AKAP19: variants seen among roughly 807,000 people sequenced by gnomAD.
The protein encoded by AKAP19 is small A-kinase anchoring protein.
the AKAP19 span, chr2:190,057,779 G>A: frequency 3.5e-6 from 3 of 856,500 alleles, no homozygotes; most frequent in Non-Finnish European, 5.5e-6. Flanking sequence ...CAGCATTAAG[G>A]AATGTTAATT....
At chr2:190,016,492 A>G in the AKAP19 span, among the ~76,000 whole-genome samples, 1 of 152,202 alleles carries the variant, frequency 6.6e-6, no homozygotes, top group African/African-American at 2.4e-5. Flanking sequence ...ACATGTGGGG[A>G]TTACGGGGAT....
chr2:189,946,656 T>C, the AKAP19 span, among the ~76,000 whole-genome samples: 1 of 152,344 alleles, frequency 6.6e-6, no homozygotes, highest in East Asian at 1.9e-4. Context: ...AAGTTATCTC[T>C]TAGATTACTA....
At chr2:190,059,492 A>T in the AKAP19 span, among the ~76,000 whole-genome samples, 4 of 152,002 alleles carry the variant, frequency 2.6e-5, no homozygotes, top group African/African-American at 9.7e-5. Flanking sequence ...TACACACATC[A>T]GTGCATCAAC....
At chr2:190,027,984 A>G in the AKAP19 span, among the ~76,000 whole-genome samples, 1 of 152,156 alleles carries the variant, frequency 6.6e-6, no homozygotes, top group Non-Finnish European at 1.5e-5. Flanking sequence ...TTGTGTATGA[A>G]ATTCAATTCT....
chr2:190,172,667 C>G, the AKAP19 span, among the ~76,000 whole-genome samples: 1 of 152,206 alleles, frequency 6.6e-6, no homozygotes, highest in Non-Finnish European at 1.5e-5. Context: ...TGTTGGAAAG[C>G]AACACAGAAT....
the AKAP19 span, among the ~76,000 whole-genome samples, chr2:189,911,213 G>C: frequency 6.6e-6 from 1 of 152,034 alleles, no homozygotes; most frequent in Non-Finnish European, 1.5e-5. Flanking sequence ...GATTTTTGAA[G>C]TTTTATGGGA....
At chr2:189,936,690 A>G in the AKAP19 span, among the ~76,000 whole-genome samples, 9 of 152,240 alleles carry the variant, frequency 5.9e-5, no homozygotes, top group Non-Finnish European at 1.3e-4. Flanking sequence ...TTTTCATGGT[A>G]TAGCTGTATA....
the AKAP19 span, among the ~76,000 whole-genome samples, chr2:190,048,456 T>C: frequency 6.6e-6 from 1 of 152,220 alleles, no homozygotes; most frequent in African/African-American, 2.4e-5. Context: ...CACTACTCAA[T>C]GTTACTTCTA....
At chr2:190,100,519 A>G in the AKAP19 span, among the ~76,000 whole-genome samples, 1 of 152,208 alleles carries the variant, frequency 6.6e-6, no homozygotes, top group African/African-American at 2.4e-5. Context: ...ATTGTAAATC[A>G]TACCATAAAA....
chr2:190,022,090 A>C, the AKAP19 span, among the ~76,000 whole-genome samples: 1 of 152,104 alleles, frequency 6.6e-6, no homozygotes, highest in African/African-American at 2.4e-5. Flanking sequence ...TTGATCCATT[A>C]ATCTATGCAT....
the AKAP19 span, chr2:189,930,697 T>C: frequency 4.0e-6 from 2 of 495,928 alleles, no homozygotes; most frequent in East Asian, 7.6e-5. Context: ...AAAAAGAAAT[T>C]GAATTGGGTC....
the AKAP19 span, among the ~76,000 whole-genome samples, chr2:189,883,509 T>TTG: frequency 8.4e-6 from 1 of 118,512 alleles, no homozygotes; most frequent in African/African-American, 4.2e-5. Context: ...TTCTTCCTGT[T>TTG]TTTTTTTTTT....
the AKAP19 span, among the ~76,000 whole-genome samples, chr2:189,934,156 G>C: frequency 6.6e-6 from 1 of 152,028 alleles, no homozygotes; most frequent in Non-Finnish European, 1.5e-5. Flanking sequence ...AAATTATACA[G>C]AGTAAGAAAA....
At chr2:190,041,296 C>T in the AKAP19 span, among the ~76,000 whole-genome samples, 59 of 152,080 alleles carry the variant, frequency 3.9e-4, no homozygotes, top group African/African-American at 1.3e-3. Context: ...CTGGGATTGC[C>T]TTTCTGATTT....
the AKAP19 span, among the ~76,000 whole-genome samples, chr2:190,029,753 A>G: frequency 1.3e-5 from 2 of 152,224 alleles, no homozygotes; most frequent in African/African-American, 4.8e-5. Flanking sequence ...TTACAGAAAC[A>G]GGCAGCTGCT....
the AKAP19 span, among the ~76,000 whole-genome samples, chr2:189,892,615 A>T: frequency 6.6e-6 from 1 of 152,210 alleles, no homozygotes; most frequent in Non-Finnish European, 1.5e-5. Flanking sequence ...GCTTCGTCCC[A>T]GATGGGCACC....
chr2:189,957,036 T>C, the AKAP19 span, among the ~76,000 whole-genome samples: 1 of 152,024 alleles, frequency 6.6e-6, no homozygotes. Context: ...ATTAACTGGG[T>C]ATGGTGGCCT....
At chr2:190,038,830 T>C in the AKAP19 span, among the ~76,000 whole-genome samples, 1 of 152,024 alleles carries the variant, frequency 6.6e-6, no homozygotes, top group Admixed American at 6.6e-5. Context: ...GTGGCAAATA[T>C]TTTACAGGAA....
the AKAP19 span, among the ~76,000 whole-genome samples, chr2:189,885,901 C>T: frequency 6.6e-6 from 1 of 152,048 alleles, no homozygotes; most frequent in Admixed American, 6.5e-5. Context: ...CTCCACCTCC[C>T]GGGTTCAAGC....
Sources: gnomAD v4.1 joint callset for allele counts (sites outside exome capture counted in the v4.1 genomes callset) on GRCh38, gnomAD v4.1.1 for gene constraint, MANE v1.5 for transcripts, NCBI Gene and HGNC (gene_info 2026-07-23, HGNC 2026-07-21) for gene names.